Variants in RABEP1 observed in about 807,000 individuals in gnomAD.
The protein encoded by RABEP1 is rab GTPase-binding effector protein 1.
RABEP1 carries 51 observed loss-of-function variants against 123.4 expected under a neutral mutation model. That is an observed-to-expected ratio of 0.41 (90% CI 0.33 to 0.52). RABEP1 has a LOEUF of 0.52. Among genes scored for constraint, RABEP1 ranks in the 20% least tolerant of loss-of-function variants. RABEP1 has a pLI of 0.16. For missense variants in RABEP1, 888 were observed against 996.3 expected (o/e 0.89, Z 1.46); for synonymous variants, 347 against 355.2 (o/e 0.98, Z 0.26).
intron 2 of RABEP1, among the ~76,000 whole-genome samples, chr17:5,322,508 G>A (rs552110972): frequency 4.6e-5 from 7 of 152,152 alleles, no homozygotes; most frequent in African/African-American, 1.7e-4. Context: ...TCTGATGGGT[G>A]AGAGAGACTG....
At chr17:5,312,306 A>G (rs1345341549) in intron 2 of RABEP1, among the ~76,000 whole-genome samples, 2 of 151,998 alleles carry the variant, frequency 1.3e-5, no homozygotes, top group African/African-American at 2.4e-5. Context: ...GTGCCACCAC[A>G]CCTGGCTAAT....
At chr17:5,335,621 A>G (rs1245929523) in intron 4 of RABEP1, among the ~76,000 whole-genome samples, 1 of 152,046 alleles carries the variant, frequency 6.6e-6, no homozygotes, top group Non-Finnish European at 1.5e-5. Context: ...GCCACCTGTC[A>G]CTACTCTCCT....
intron 2 of RABEP1, among the ~76,000 whole-genome samples, chr17:5,319,337 A>C (rs1471550327): frequency 1.7e-5 from 2 of 117,536 alleles, no homozygotes; most frequent in East Asian, 5.5e-4. Context: ...CAAAAAAAAA[A>C]AAAACAAAAA....
intron 6 of RABEP1, among the ~76,000 whole-genome samples, chr17:5,347,532 C>T (rs897852915): frequency 6.6e-6 from 1 of 152,194 alleles, no homozygotes; most frequent in Admixed American, 6.5e-5. Context: ...CCCCCACACT[C>T]ATTTTGATGG....
intron 5 of RABEP1, among the ~76,000 whole-genome samples, chr17:5,340,640 A>T (rs1348781133): frequency 2.4e-5 from 1 of 41,116 alleles, no homozygotes; most frequent in Non-Finnish European, 3.9e-5. Context: ...CCAGATCTTT[A>T]AAAAAAAAAA....
At chr17:5,313,267 A>G (rs1275190948) in intron 2 of RABEP1, among the ~76,000 whole-genome samples, 2 of 152,202 alleles carry the variant, frequency 1.3e-5, no homozygotes, top group Non-Finnish European at 2.9e-5. Flanking sequence ...TGATGTATAT[A>G]TAAAAGGTTG....
intron 5 of RABEP1, among the ~76,000 whole-genome samples, chr17:5,345,175 A>G (rs1286540507): frequency 6.6e-6 from 1 of 151,124 alleles, no homozygotes; most frequent in Non-Finnish European, 1.5e-5. Flanking sequence ...CTACTGGTGT[A>G]TGTGAAACTC....
chr17:5,335,860 G>C (rs146555471), intron 4 of RABEP1, among the ~76,000 whole-genome samples: 23 of 151,920 alleles, frequency 1.5e-4, no homozygotes, highest in African/African-American at 5.6e-4. Context: ...CTAGGAGATA[G>C]GTGCTTGAAC....
intron 5 of RABEP1, among the ~76,000 whole-genome samples, chr17:5,344,181 C>T (rs563181992): frequency 2.0e-5 from 3 of 152,226 alleles, no homozygotes; most frequent in East Asian, 3.9e-4. Flanking sequence ...GTTGGCTGGA[C>T]GTGGTAGCTC....
At chr17:5,334,736 A>C (rs1356579979) in intron 3 of RABEP1, among the ~76,000 whole-genome samples, 1 of 152,158 alleles carries the variant, frequency 6.6e-6, no homozygotes, top group Non-Finnish European at 1.5e-5. Context: ...CTCAACTTAC[A>C]ATCTTGGGTT....
At chr17:5,340,386 T>C (rs1907487235) in intron 5 of RABEP1, among the ~76,000 whole-genome samples, 1 of 152,186 alleles carries the variant, frequency 6.6e-6, no homozygotes, top group Non-Finnish European at 1.5e-5. Flanking sequence ...ATCCCTATAG[T>C]AGCCACTGTA....
At chr17:5,316,530 T>C (rs2075298021) in intron 2 of RABEP1, among the ~76,000 whole-genome samples, 2 of 136,834 alleles carry the variant, frequency 1.5e-5, no homozygotes, top group Admixed American at 7.5e-5. Context: ...AGGAAATATA[T>C]AGGATGTAAG....
chr17:5,321,116 C>T (rs551214300), intron 2 of RABEP1, among the ~76,000 whole-genome samples: 1 of 152,126 alleles, frequency 6.6e-6, no homozygotes, highest in East Asian at 1.9e-4. Context: ...TTGAGGCCAG[C>T]CTGGGCAGCA....
chr17:5,341,137 C>T lies in RABEP1; in HGVS notation c.648+2999C>T, dbSNP rs986198163. 6.6e-5 allele frequency among the ~76,000 whole-genome samples: 10 copies of T among 151,698 alleles called. No homozygotes were observed. The South Asian group carries it at 8.3e-4, about 13-fold the overall frequency. ...AAAAATGAGAAATCAGAAGTGAGTC[C>T]GAGTGTAGAGGCTCATGCCTGTAAT... On this transcript the variant is annotated intron_variant, in intron 5 of 17. Coordinates refer to ENST00000537505, the MANE Select transcript of RABEP1 (RefSeq NM_004703.6).
chr17:5,290,518 A>G (rs8076682), intron 1 of RABEP1, among the ~76,000 whole-genome samples: 18,231 of 152,262 alleles, frequency 0.12, 1,458 homozygotes, highest in African/African-American at 0.22. Flanking sequence ...TATAAGCTTA[A>G]GAGAGCATAT....
intron 7 of RABEP1, 119 bp from the exon 8 acceptor site, chr17:5,354,240 G>C (rs184071123): frequency 1.1e-6 from 1 of 872,516 alleles, no homozygotes; most frequent in East Asian, 2.7e-5. Context: ...AGAAGCGTAA[G>C]TATCCAGTTT....
At chr17:5,290,228 C>A (rs920075484) in intron 1 of RABEP1, among the ~76,000 whole-genome samples, 3 of 152,170 alleles carry the variant, frequency 2.0e-5, no homozygotes, top group Non-Finnish European at 2.9e-5. Context: ...GTTGGGACTA[C>A]AGGCGCCCGC....
chr17:5,373,553 G>T (rs866559069), intron 13 of RABEP1, 99 bp downstream of exon 13: 1 of 1,300,016 alleles, frequency 7.7e-7, no homozygotes, highest in Non-Finnish European at 1.0e-6. Context: ...TATAATTCAC[G>T]TGCCAATTCA....
At chr17:5,368,498 T>C in intron 12 of RABEP1, 30 bp downstream of exon 12, 2 of 1,449,724 alleles carry the variant, frequency 1.4e-6, no homozygotes, top group Non-Finnish European at 1.9e-6. Context: ...AAATGACAAC[T>C]ATGTTACTAT....
Sources: allele counts gnomAD v4.1 joint callset (sites outside exome capture counted in the v4.1 genomes callset), GRCh38; gene constraint gnomAD v4.1.1; transcripts MANE v1.5; gene names NCBI Gene and HGNC (gene_info 2026-07-23, HGNC 2026-07-21).